Variants in MARK3 observed in about 807,000 individuals in gnomAD.
The protein encoded by MARK3 is MAP/microtubule affinity-regulating kinase 3.
MARK3 carries 46 observed loss-of-function variants against 90.1 expected under a neutral mutation model. That is an observed-to-expected ratio of 0.51 (90% confidence interval 0.40 to 0.65). The LOEUF is 0.65. Among genes scored for constraint, MARK3 ranks in the 30% least tolerant of loss-of-function variants. The pLI is 0.00. For missense variants in MARK3, 818 were observed against 947.2 expected (o/e 0.86, Z 1.79); for synonymous variants, 321 against 332.6 (o/e 0.97, Z 0.38).
At chr14:103,404,151 G>C (rs1003529029) in intron 1 of MARK3, among the ~76,000 whole-genome samples, 1 of 152,162 alleles carries the variant, frequency 6.6e-6, no homozygotes, top group Non-Finnish European at 1.5e-5. Flanking sequence ...CATTTCCTTT[G>C]ATTTGAGTAA....
chr14:103,452,471 CTTTTT>C (rs71126026), intron 5 of MARK3, among the ~76,000 whole-genome samples: 1 of 97,476 alleles, frequency 1.0e-5, no homozygotes. Context: ...CAGGATTTGT[CTTTTT>C]TTTTTTTTTT....
intron 3 of MARK3, among the ~76,000 whole-genome samples, chr14:103,438,230 C>T (rs1405784447): frequency 1.3e-5 from 2 of 152,024 alleles, no homozygotes; most frequent in Admixed American, 6.6e-5. Flanking sequence ...CTGGAACTCC[C>T]GACCTCAGGT....
chr14:103,461,512 C>T (rs1379224241), intron 6 of MARK3, among the ~76,000 whole-genome samples: 1 of 152,146 alleles, frequency 6.6e-6, no homozygotes, highest in Non-Finnish European at 1.5e-5. Flanking sequence ...TTTCATAGTT[C>T]ACGTACGTCG....
intron 1 of MARK3, among the ~76,000 whole-genome samples, chr14:103,402,423 C>T (rs1230704733): frequency 2.0e-5 from 3 of 151,852 alleles, no homozygotes; most frequent in Non-Finnish European, 2.9e-5. Flanking sequence ...TATGGTGGCG[C>T]GCACCTGAGT....
chr14:103,448,382 G>A (rs962326505), intron 3 of MARK3, among the ~76,000 whole-genome samples: 3 of 152,154 alleles, frequency 2.0e-5, no homozygotes, highest in Admixed American at 6.5e-5. Context: ...CATGACTCAT[G>A]AGGGTCACTA....
chr14:103,492,698 T>C (rs1198177904), intron 15 of MARK3, among the ~76,000 whole-genome samples: 1 of 152,204 alleles, frequency 6.6e-6, no homozygotes, highest in African/African-American at 2.4e-5. Flanking sequence ...TCCATGTGTC[T>C]AGTAGGCTAG....
At chr14:103,433,436 A>G (rs2092640602) in intron 3 of MARK3, among the ~76,000 whole-genome samples, 1 of 151,882 alleles carries the variant, frequency 6.6e-6, no homozygotes, top group Non-Finnish European at 1.5e-5. Context: ...GCACACGCCA[A>G]TAATGGCAGT....
intron 2 of MARK3, among the ~76,000 whole-genome samples, chr14:103,406,561 T>G (rs1268272355): frequency 1.3e-5 from 2 of 151,902 alleles, no homozygotes; most frequent in African/African-American, 4.8e-5. Flanking sequence ...CAAAAGAACA[T>G]GAAACATATA....
chr14:103,389,195 T>G (rs1241089743), intron 1 of MARK3, among the ~76,000 whole-genome samples: 1 of 151,366 alleles, frequency 6.6e-6, no homozygotes, highest in Non-Finnish European at 1.5e-5. Context: ...AAACCCTGTC[T>G]CTACTAAAAA....
intron 2 of MARK3, among the ~76,000 whole-genome samples, chr14:103,426,693 CAGAAGCTAT>C (rs1384437341): frequency 2.6e-5 from 4 of 151,972 alleles, no homozygotes; most frequent in Non-Finnish European, 5.9e-5. Flanking sequence ...ATGAGCTGAC[CAGAAGCTAT>C]AGAAGCTATA....
At chr14:103,452,469 G>GTGTTTTTTTTTTTTTTTT (rs1404035040) in intron 5 of MARK3, among the ~76,000 whole-genome samples, 1 of 84,188 alleles carries the variant, frequency 1.2e-5, no homozygotes, top group African/African-American at 3.1e-5. Flanking sequence ...TACAGGATTT[G>GTGTTTTTTTTTTTTTTTT]TCTTTTTTTT....
intron 15 of MARK3, 143 bp downstream of exon 15, chr14:103,492,177 C>T: frequency 1.1e-6 from 1 of 882,996 alleles, no homozygotes; most frequent in Non-Finnish European, 1.7e-6. Flanking sequence ...ATATATCTAA[C>T]TTTATACTTT....
intron 14 of MARK3, among the ~76,000 whole-genome samples, chr14:103,487,221 G>A (rs912176025): frequency 2.7e-5 from 4 of 148,740 alleles, no homozygotes; most frequent in African/African-American, 7.4e-5. Context: ...CCAGCCTCAA[G>A]TTAATAATTT....
chr14:103,439,691 G>C (rs1243897128), intron 3 of MARK3, among the ~76,000 whole-genome samples: 2 of 152,044 alleles, frequency 1.3e-5, no homozygotes, highest in African/African-American at 2.4e-5. Flanking sequence ...TTACAGGCGT[G>C]AGCCACCGCA....
At chr14:103,498,087 C>T (rs376035903) in intron 15 of MARK3, among the ~76,000 whole-genome samples, 1 of 151,952 alleles carries the variant, frequency 6.6e-6, no homozygotes, top group Admixed American at 6.6e-5. Flanking sequence ...CATGGTGGCG[C>T]GCGCCTGTGA....
chr14:103,471,781 T>C (rs2093629342), intron 12 of MARK3, among the ~76,000 whole-genome samples: 1 of 151,394 alleles, frequency 6.6e-6, no homozygotes, highest in African/African-American at 2.4e-5. Flanking sequence ...AGCTTGTTTT[T>C]TAAAAAATGA....
At chr14:103,461,546 TAAAG>T (rs1392563986) in intron 6 of MARK3, among the ~76,000 whole-genome samples, 1 of 152,170 alleles carries the variant, frequency 6.6e-6, no homozygotes, top group African/African-American at 2.4e-5. Flanking sequence ...TCCATTTTAA[TAAAG>T]GAAGAGGAAA....
rs1472018882 is a variant in MARK3 at position 103,503,042 on chromosome 14, A to T, written c.2077A>T (p.Arg693Trp). The change falls in exon 18 of 18, where the codon AGG (arginine) becomes TGG (tryptophan). Residue 693 changes from arginine (R) to tryptophan (W), a missense_variant. Physicochemically the swap from Arg to Trp is moderately radical, Grantham distance 101 (BLOSUM62 -3). Coordinates refer to ENST00000429436, the MANE Select transcript of MARK3 (RefSeq NM_001128918.3). Reference protein sequence around the residue: ...LDANNCDYEQRERFLLFCVHG... With the variant: ...LDANNCDYEQWERFLLFCVHG... Reference sequence around the variant, plus strand: ...CGCCAATAACTGCGACTATGAGCAGAGGGAGCGCTTCTTGCTCTTCTGCGT... The same window carrying T: ...CGCCAATAACTGCGACTATGAGCAGTGGGAGCGCTTCTTGCTCTTCTGCGT... 6.2e-7 allele frequency: 1 copy of T among 1,614,260 alleles called. No homozygotes were observed. The highest frequency in any genetic ancestry group is 2.2e-5 in the East Asian group (1 of 44,896).
rs200073071 is a variant in MARK3 at position 103,405,125 on chromosome 14, G to A, written c.101G>A (p.Arg34His). 5.6e-5 allele frequency: 91 copies of A among 1,613,836 alleles called. 2 individuals carry two copies. Among genetic ancestry groups the A allele is most frequent in the South Asian group, 3.3e-4 (30 of 91,068 alleles). The part of the protein sequence containing the change: ...GRQEVTSRTS[R>H]SGARCRNSIA... ...CAAGAAGTTACCTCTCGTACCAGCC[G>A]CTCAGGAGCTCGGTGTAGAAACTCT... Residue 34 changes from arginine (R) to histidine (H), a missense_variant, in exon 2 of 18, where the codon CGC becomes CAC. Coordinates refer to ENST00000429436, the MANE Select transcript of MARK3 (RefSeq NM_001128918.3).
Sources: gnomAD v4.1 joint callset for allele counts (sites outside exome capture counted in the v4.1 genomes callset) on GRCh38, gnomAD v4.1.1 for gene constraint, MANE v1.5 for transcripts, NCBI Gene and HGNC (gene_info 2026-07-23, HGNC 2026-07-21) for gene names.